The following PITPNM3 variants were observed in gnomAD, a reference collection of about 807,000 sequenced individuals.
PITPNM3 encodes PITPNM family member 3.
In PITPNM3, 26 loss-of-function variants were observed where a neutral mutation model predicts 102.0. The ratio of observed to expected loss-of-function variants is 0.25; its 90% CI spans 0.19 to 0.35. The LOEUF (loss-of-function observed/expected upper bound fraction) is 0.35, where lower values mean the gene tolerates loss of function less well. PITPNM3 is among the 10% of genes least tolerant of loss of function. The pLI is 1.00. For synonymous variants in PITPNM3, 578 were observed against 558.6 expected, an observed-to-expected ratio of 1.03 and a Z score of -0.49; for missense variants, 1,083 against 1,346.1, an observed-to-expected ratio of 0.80 and a Z score of 3.06.
At chr17:6,488,864 T>C (rs61382326) in intron 4 of PITPNM3, among the ~76,000 whole-genome samples, 147 of 152,302 alleles carry the variant, frequency 9.7e-4, no homozygotes, top group African/African-American at 2.4e-3. Flanking sequence ...CATGTCCCTA[T>C]TCAGGCTGGG....
intron 12 of PITPNM3, 65 bp downstream of exon 12, chr17:6,471,096 C>G: frequency 1.3e-6 from 2 of 1,582,282 alleles, no homozygotes; most frequent in Non-Finnish European, 1.7e-6. Flanking sequence ...AGTGGCCCAG[C>G]AAACACCCAG....
chr17:6,494,489 T>C (rs1906682540), intron 4 of PITPNM3, among the ~76,000 whole-genome samples: 3 of 152,210 alleles, frequency 2.0e-5, no homozygotes, highest in Admixed American at 2.0e-4. Flanking sequence ...CATGCGCACC[T>C]GCACAGTAAC....
intron 2 of PITPNM3, among the ~76,000 whole-genome samples, chr17:6,536,486 C>T (rs941135114): frequency 1.3e-5 from 2 of 152,218 alleles, no homozygotes; most frequent in African/African-American, 4.8e-5. Flanking sequence ...CCATGGGAGA[C>T]AGGCCCCAAA....
In PITPNM3 at chr17:6,468,255, C is replaced by A. The variant is rs1904885286; in HGVS notation, c.1860G>T (p.Trp620Cys). ...GCTTGACCTGAGTCCGCTTACGAAG[C>A]CACTTCTCCCGGGGGTTGGCAGGAC... is the stretch of plus-strand genomic sequence containing the variant. ...ALSPANPREK[W>C]LRKRTQVKLR... The change falls in exon 14 of 20, where the codon TGG becomes TGT. Residue 620 changes from tryptophan (W) to cysteine (C), a missense_variant. By Grantham distance (215) the Trp-to-Cys change is radical. Around this residue, in one of 5 missense-constraint regions of PITPNM3, gnomAD observed 410 missense variants for 638.4 expected, o/e 0.64. Transcript: ENST00000262483. The surrounding 1 kb of genome is among the most constrained non-coding windows in gnomAD (Gnocchi z 5.2). 1 of 1,613,620 alleles carries A rather than the reference C, an allele frequency of 6.2e-7. No individual in the cohort carries two copies. Among genetic ancestry groups the A allele is most frequent in the African/African-American group, 1.3e-5 (1 of 74,932 alleles).
Position 6,550,970 on chromosome 17 carries a change from G to A in PITPNM3, c.22+5415C>T, listed in dbSNP as rs1375332659. Among the ~76,000 whole-genome samples the A allele has an allele frequency of 2.0e-5, 3 of 152,222 alleles. 1 individual carries two copies. The highest frequency in any genetic ancestry group is 4.4e-5 in the Non-Finnish European group (3 of 68,046). The stretch of plus-strand genomic sequence containing the variant: ...CTGGGACCTGCCAGGTCTGCTGCTG[G>A]GATAGGTGATTTCACAGAGGTCGGC... On this transcript the variant is annotated intron_variant, in intron 1 of 19. Coordinates refer to ENST00000262483, the MANE Select transcript of PITPNM3 (RefSeq NM_031220.4).
chr17:6,493,470 C>G (rs1292381176), intron 4 of PITPNM3, among the ~76,000 whole-genome samples: 1 of 152,242 alleles, frequency 6.6e-6, no homozygotes, highest in Non-Finnish European at 1.5e-5. Flanking sequence ...CAAGTTTTAG[C>G]ACAACCTAGG....
At position 6,469,672 on chromosome 17, in the gene PITPNM3, A is replaced by G. The variant is rs1304999019; in HGVS notation, c.1773+588T>C. 6.6e-6 allele frequency among the ~76,000 whole-genome samples: 1 copy of G among 152,186 alleles called. No individual in the cohort carries two copies. Among genetic ancestry groups the G allele is most frequent in the Non-Finnish European group, 1.5e-5 (1 of 68,038 alleles). On this transcript the variant is annotated intron_variant, in intron 13 of 19. Coordinates refer to ENST00000262483, the MANE Select transcript of PITPNM3 (RefSeq NM_031220.4). This position sits in a 1 kb window ranked among gnomAD's most constrained non-coding sequence, Gnocchi z 4.0. The stretch of plus-strand genomic sequence containing the variant: ...TGGGCCCCTGCACTGGCCTCACAAG[A>G]GGCCTCATGGTTCCTCTCCTGCCGT...
rs1313903124 is a variant in PITPNM3 at position 6,469,781 on chromosome 17, G to A, written c.1773+479C>T. Among the ~76,000 whole-genome samples the A allele has an allele frequency of 6.6e-6, 1 of 152,104 alleles. No individual in the cohort carries two copies. The highest frequency in any genetic ancestry group is 2.4e-5 in the African/African-American group (1 of 41,400). On this transcript the variant is annotated intron_variant, in intron 13 of 19. Transcript: ENST00000262483. This position sits in a 1 kb window ranked among gnomAD's most constrained non-coding sequence, Gnocchi z 4.0. ...CTTCCTTGCTCACAGCCCTGCAATG[G>A]CTTCCCGTTGAACCCAATATAAAAC...
At chr17:6,473,196 C>G in intron 10 of PITPNM3, 1 of 341,998 alleles carries the variant, frequency 2.9e-6, no homozygotes, top group Non-Finnish European at 5.7e-6. Context: ...ACCTAGGAAG[C>G]CAACCCAGGT....
chr17:6,482,025 TCTCTC>T, intron 6 of PITPNM3, among the ~76,000 whole-genome samples: 1 of 112,934 alleles, frequency 8.9e-6, no homozygotes, highest in Non-Finnish European at 1.8e-5. Context: ...TCTCTCTCTC[TCTCTC>T]TCTCTGTCTG....
In PITPNM3 at chr17:6,468,175, C is replaced by T. The variant is rs745742629; in HGVS notation, c.1890+50G>A. 4 of 1,577,428 alleles carry T rather than the reference C, an allele frequency of 2.5e-6. No homozygotes were observed. In the East Asian group the frequency reaches 8.9e-5, roughly 35 times the overall value. On this transcript the variant is annotated intron_variant, in intron 14 of 19. Coordinates refer to ENST00000262483, the MANE Select transcript of PITPNM3 (RefSeq NM_031220.4). This position sits in a 1 kb window ranked among gnomAD's most constrained non-coding sequence, Gnocchi z 5.2. ...TGCCCCAGCCCCCGGGCCAGCCCCA[C>T]CTCCCGGAGGACACAGTCCCAGCCA...
At chr17:6,503,302 G>T (rs1907292734) in intron 4 of PITPNM3, among the ~76,000 whole-genome samples, 1 of 152,180 alleles carries the variant, frequency 6.6e-6, no homozygotes, top group African/African-American at 2.4e-5. Flanking sequence ...GGCCTGAGCT[G>T]CCCAGTGATA....
At chr17:6,481,860 AG>A (rs1905712587) in intron 6 of PITPNM3, 1 of 56,850 alleles carries the variant, frequency 1.8e-5, no homozygotes, top group African/African-American at 1.1e-4. Context: ...TGATAGAGAG[AG>A]AGAGAGAGAG....
At chr17:6,466,483 G>A (rs1210592100) in intron 14 of PITPNM3, among the ~76,000 whole-genome samples, 1 of 152,154 alleles carries the variant, frequency 6.6e-6, no homozygotes, top group Non-Finnish European at 1.5e-5. Context: ...ATGAATATAA[G>A]CACCTGAAAA....
intron 15 of PITPNM3, 138 bp downstream of exon 15, chr17:6,464,517 G>A (rs1904661952): frequency 9.2e-7 from 1 of 1,082,630 alleles, no homozygotes; most frequent in Non-Finnish European, 1.4e-6. Flanking sequence ...CGCCCAAGCA[G>A]GTGGGTAGCT....
At position 6,510,472 on chromosome 17, in the gene PITPNM3, C is replaced by A. The variant is rs114622127; in HGVS notation, c.227-6898G>T. Among the ~76,000 whole-genome samples, 762 of 152,338 alleles carry A rather than the reference C, an allele frequency of 5.0e-3. 7 individuals carry two copies. Among genetic ancestry groups the A allele is most frequent in the African/African-American group, 0.017 (726 of 41,576 alleles). ...CTCTTTCAGCCCTCTGTGCCTTGTTCCCCATCTTGTTAGAGCAATTAGCTC... is the reference window on the plus strand; with the variant it reads ...CTCTTTCAGCCCTCTGTGCCTTGTTACCCATCTTGTTAGAGCAATTAGCTC... On this transcript the variant is annotated intron_variant, in intron 3 of 19. Coordinates refer to ENST00000262483, the MANE Select transcript of PITPNM3 (RefSeq NM_031220.4).
At chr17:6,519,601 G>A (rs928788387) in intron 3 of PITPNM3, among the ~76,000 whole-genome samples, 14 of 151,826 alleles carry the variant, frequency 9.2e-5, no homozygotes, top group South Asian at 4.2e-4. Context: ...AGGCCAAGTC[G>A]GGCAGATCAC....
chr17:6,466,305 C>T (rs1380838037), intron 14 of PITPNM3, among the ~76,000 whole-genome samples: 2 of 152,262 alleles, frequency 1.3e-5, no homozygotes, highest in African/African-American at 4.8e-5. Context: ...AACCTCCTTT[C>T]AATTCCCATG....
At chr17:6,530,371 T>G (rs1244387587) in intron 2 of PITPNM3, among the ~76,000 whole-genome samples, 1 of 152,208 alleles carries the variant, frequency 6.6e-6, no homozygotes, top group Non-Finnish European at 1.5e-5. Flanking sequence ...GATTTAGCCG[T>G]GCACTACCTT....
Sources: allele counts gnomAD v4.1 joint callset (sites outside exome capture counted in the v4.1 genomes callset), GRCh38; gene constraint gnomAD v4.1.1; regional missense constraint gnomAD v4.1.1; non-coding constraint Gnocchi (gnomAD v3.1); transcripts MANE v1.5; gene names NCBI Gene and HGNC (gene_info 2026-07-23, HGNC 2026-07-21).